CCDC30: variants seen among roughly 807,000 people sequenced by gnomAD.
CCDC30 encodes the protein coiled-coil domain-containing protein 30.
CCDC30 carries 70 observed loss-of-function variants against 100.2 expected under a neutral mutation model. That is an observed-to-expected ratio of 0.70 (90% CI 0.58 to 0.85). CCDC30 has a LOEUF of 0.85. CCDC30 is among the 40% of genes least tolerant of loss of function. The probability of loss-of-function intolerance (pLI) is 0.00; values close to 1 mark genes in which losing one functional copy is unlikely to be tolerated. For synonymous variants in CCDC30, 233 were observed against 269.5 expected (o/e 0.86, Z 1.33); for missense variants, 652 against 771.2 (o/e 0.85, Z 1.83).
At chr1:42,572,832 T>C (rs938848724) in intron 7 of CCDC30, among the ~76,000 whole-genome samples, 1 of 152,186 alleles carries the variant, frequency 6.6e-6, no homozygotes, top group African/African-American at 2.4e-5. Context: ...TTGGCCTGGC[T>C]GGCCTCGAAC....
At position 42,501,964 on chromosome 1, in the gene CCDC30, C is replaced by G. The variant is rs540352521; in HGVS notation, c.456+3048C>G. ...ATCTCAAACTCCGTGCTGGGAGAAC[C>G]ACTACTCTCTTCAAAGCTGTCAGAC... is the stretch of plus-strand genomic sequence containing the variant. On this transcript the variant is annotated intron_variant, in intron 6 of 16. Coordinates refer to ENST00000668663, the Ensembl canonical transcript of CCDC30. Among the ~76,000 whole-genome samples the G allele has an allele frequency of 3.9e-4, 59 of 152,310 alleles. 1 individual carries two copies. The East Asian group carries it at 9.1e-3, about 23-fold the overall frequency.
intron 11 of CCDC30, among the ~76,000 whole-genome samples, chr1:42,619,073 A>G (rs1646781384): frequency 6.6e-6 from 1 of 152,126 alleles, no homozygotes; most frequent in African/African-American, 2.4e-5. Flanking sequence ...AAATCGGGGT[A>G]TATAATGTAG....
chr1:42,619,678 G>A (rs1034398447), intron 11 of CCDC30, among the ~76,000 whole-genome samples: 1 of 151,994 alleles, frequency 6.6e-6, no homozygotes, highest in Non-Finnish European at 1.5e-5. Context: ...AGTCAATATC[G>A]CTTTCACACC....
rs558726464 is a variant in CCDC30, at chr1:42,536,301, T to G, written c.457-29995T>G. 2.6e-5 allele frequency among the ~76,000 whole-genome samples: 4 copies of G among 152,292 alleles called. No homozygotes were observed. The South Asian group carries it at 8.3e-4, about 32-fold the overall frequency. On this transcript the variant is annotated intron_variant, in intron 6 of 16. Coordinates refer to ENST00000668663, the Ensembl canonical transcript of CCDC30. ...AACAAGTGTTACTACATTTTACCAT[T>G]GTGTAAATTAAGGCTTAGAGAGAAA...
chr1:42,651,709 A>T (rs557685545), intron 15 of CCDC30, among the ~76,000 whole-genome samples: 16 of 152,070 alleles, frequency 1.1e-4, no homozygotes, highest in South Asian at 6.2e-4. Context: ...ACAAAAAAAA[A>T]TTTTTTTTGT....
At chr1:42,472,512 CTT>C (rs1643804125) in intron 1 of CCDC30, among the ~76,000 whole-genome samples, 2 of 152,118 alleles carry the variant, frequency 1.3e-5, no homozygotes, top group African/African-American at 4.8e-5. Flanking sequence ...GCCTCTCTAG[CTT>C]CCAGAGGAAT....
Position 42,545,162 on chromosome 1 carries a change from TAAAAAAAAAA to T in CCDC30, c.457-21117_457-21108del, listed in dbSNP as rs57060353. On this transcript the variant is annotated intron_variant, in intron 6 of 16. Coordinates refer to ENST00000668663, the Ensembl canonical transcript of CCDC30. ...CAACCCCAGAGTCCAAAAATACCTT[TAAAAAAAAAA>T]AAAAAAAAAAAAAAAAGGGAATTTA... 4.8e-4 allele frequency among the ~76,000 whole-genome samples: 31 copies of T among 64,714 alleles called. No individual in the cohort carries two copies. The East Asian group carries it at 5.6e-3, about 12-fold the overall frequency. The allele number at this position is 64,714 out of a possible 152,430, so 42.5% of individuals were successfully genotyped here. A position where few individuals can be genotyped will look rare whatever the true frequency, so the allele number is the denominator to read the frequency against.
downstream of CCDC30, among the ~76,000 whole-genome samples, chr1:42,656,988 C>T (rs1648686654): frequency 6.6e-6 from 1 of 152,118 alleles, no homozygotes; most frequent in Non-Finnish European, 1.5e-5. Context: ...TGTTCCTTTT[C>T]CCCCTCCTCC....
chr1:42,516,624 T>C (rs144792988), intron 6 of CCDC30, among the ~76,000 whole-genome samples: 1 of 151,460 alleles, frequency 6.6e-6, no homozygotes, highest in East Asian at 2.0e-4. Context: ...TCTTGCCTTC[T>C]CTTTTTCCAC....
At chr1:42,594,017 G>T (rs1646238022) in intron 10 of CCDC30, 1 of 152,118 alleles carries the variant, frequency 6.6e-6, no homozygotes, top group African/African-American at 2.4e-5. Context: ...CTTTTACCTT[G>T]TGGCTTAACT....
intron 6 of CCDC30, among the ~76,000 whole-genome samples, chr1:42,523,789 T>C (rs1458747593): frequency 2.0e-5 from 3 of 152,216 alleles, no homozygotes; most frequent in African/African-American, 4.8e-5. Flanking sequence ...TTTGTTGTTA[T>C]TGTTCCTCAA....
chr1:42,515,888 C>A (rs994441737), intron 6 of CCDC30, among the ~76,000 whole-genome samples: 3 of 152,122 alleles, frequency 2.0e-5, no homozygotes, highest in African/African-American at 7.2e-5. Context: ...GTCAGAATTT[C>A]CTTCTTTTTT....
At chr1:42,473,572 A>G (rs1643835764) in intron 1 of CCDC30, 1 of 328,174 alleles carries the variant, frequency 3.0e-6, no homozygotes. Flanking sequence ...TGGTAAAGTC[A>G]TCCTTCTCTC....
At chr1:42,548,658 C>T (rs1026217049) in intron 6 of CCDC30, among the ~76,000 whole-genome samples, 1 of 152,054 alleles carries the variant, frequency 6.6e-6, no homozygotes, top group Non-Finnish European at 1.5e-5. Context: ...ATGACATGGT[C>T]ATGCAATTAG....
upstream of CCDC30, among the ~76,000 whole-genome samples, chr1:42,458,417 ACT>A (rs1643301301): frequency 6.6e-6 from 1 of 151,718 alleles, no homozygotes; most frequent in African/African-American, 2.4e-5. Flanking sequence ...ATTAGGAGAA[ACT>A]CTTATCTGTG....
intron 1 of CCDC30, chr1:42,473,489 A>G (rs1379645960): frequency 5.2e-6 from 2 of 387,734 alleles, no homozygotes; most frequent in Non-Finnish European, 9.1e-6. Context: ...TTAAGACTCC[A>G]TGTATAGGAT....
At chr1:42,505,423 A>C (rs972303917) in intron 6 of CCDC30, among the ~76,000 whole-genome samples, 9 of 152,202 alleles carry the variant, frequency 5.9e-5, no homozygotes, top group Admixed American at 4.6e-4. Context: ...GGGAAAAAAA[A>C]CTTAAAAATA....
intron 1 of CCDC30, 149 bp downstream of exon 1, chr1:42,464,047 CCT>C (rs2148427453): frequency 1.3e-5 from 2 of 152,380 alleles, no homozygotes; most frequent in South Asian, 4.1e-4. Flanking sequence ...GTCTGCACCA[CCT>C]CTGTCATCTA....
In CCDC30 at chr1:42,556,182, A is replaced by G. The variant is rs200187931; in HGVS notation, c.457-10114A>G. ...CCCAAATTAGGAGAAAGAAAGCAGA[A>G]GGAAATTCCAGAGGAGTCAGTAAAG... is the stretch of plus-strand genomic sequence containing the variant. On this transcript the variant is annotated intron_variant, in intron 6 of 16. Coordinates refer to ENST00000668663, the Ensembl canonical transcript of CCDC30. 1.9e-6 allele frequency: 3 copies of G among 1,612,192 alleles called. No individual in the cohort carries two copies. In the East Asian group the frequency reaches 6.7e-5, roughly 36 times the overall value.
Sources: allele counts gnomAD v4.1 joint callset (sites outside exome capture counted in the v4.1 genomes callset), GRCh38; gene constraint gnomAD v4.1.1; transcripts MANE v1.5; gene names NCBI Gene and HGNC (gene_info 2026-07-23, HGNC 2026-07-21).